Variants in FBXO44 observed in about 807,000 individuals in gnomAD.
FBXO44 encodes the protein F-box protein 44, also known as F-box only protein 44.
FBXO44 carries 25 observed loss-of-function variants against 33.5 expected under a neutral mutation model. The observed-to-expected ratio is 0.75, with a 90% CI of 0.54 to 1.04. FBXO44 has a LOEUF of 1.04. Among genes scored for constraint, FBXO44 ranks in the 50% least tolerant of loss-of-function variants. The pLI is 0.00. For synonymous variants in FBXO44, 147 were observed against 152.8 expected, an observed-to-expected ratio of 0.96 and a Z score of 0.28; for missense variants, 311 against 344.0, an observed-to-expected ratio of 0.90 and a Z score of 0.76.
At chr1:11,655,239 G>A (rs944707629) in intron 1 of FBXO44, 1 of 124,056 alleles carries the variant, frequency 8.1e-6, no homozygotes, top group African/African-American at 3.0e-5. Flanking sequence ...GGCTGGCGGA[G>A]CCCAGCCGCG....
intron 2 of FBXO44, 129 bp downstream of exon 2, chr1:11,656,229 A>G: frequency 7.9e-7 from 1 of 1,269,358 alleles, no homozygotes; most frequent in South Asian, 1.5e-5. Context: ...CAGTAACCCA[A>G]AGAGGTAGCT....
rs555691427 is a variant in FBXO44 at position 11,661,069 on chromosome 1, C to T, written c.625-61C>T. 58 of 1,516,482 alleles carry T rather than the reference C, an allele frequency of 3.8e-5. No individual in the cohort carries two copies. Among genetic ancestry groups the T allele is most frequent in the Middle Eastern group, 3.5e-4 (2 of 5,650 alleles). 93.9% of individuals were successfully genotyped at this position (1,516,482 alleles called of 1,614,324 possible). ...AAGTACTGGGATTCCCGGTGTGAGC[C>T]GCCACACCCAGCCTGAGTCAGCTCC... is the stretch of plus-strand genomic sequence containing the variant. On this transcript the variant is annotated intron_variant, in intron 5 of 5. Transcript: ENST00000251547. The surrounding 1 kb of genome is among the most constrained non-coding windows in gnomAD (Gnocchi z 4.4).
Position 11,658,681 on chromosome 1 carries a change from C to T in FBXO44, c.488+53C>T, listed in dbSNP as rs1003075233. On this transcript the variant is annotated intron_variant, in intron 4 of 5. Coordinates refer to ENST00000251547, the MANE Select transcript of FBXO44 (RefSeq NM_033182.7). ...TGGGGCATGCCAATCAGGCGCCCCACCCCCGCCCTGCCCCCAATCTCCGAG... is the reference window on the plus strand; with the variant it reads ...TGGGGCATGCCAATCAGGCGCCCCATCCCCGCCCTGCCCCCAATCTCCGAG... 3.7e-6 allele frequency: 6 copies of T among 1,606,764 alleles called. No individual in the cohort carries two copies. In the African/African-American group the frequency reaches 8.0e-5, roughly 22 times the overall value.
intron 2 of FBXO44, 96 bp from the exon 3 acceptor site, chr1:11,658,171 C>T: frequency 6.3e-7 from 1 of 1,587,122 alleles, no homozygotes. Flanking sequence ...AGGGCAGCCG[C>T]CAAGATGCAG....
Position 11,656,039 on chromosome 1 carries a change from G to A in FBXO44, c.204G>A (p.Trp68Ter). The change falls in exon 2 of 6, where the codon TGG (tryptophan) becomes TGA (stop). Residue 68 changes from tryptophan to a stop codon, truncating the protein, a stop_gained. Transcript: ENST00000251547. LOFTEE classifies it high-confidence loss of function. ...ACTGGGACCAGCCCGTGGCCGACTG[G>A]AAGATCTTCTACTTCTTACGGAGCC... ...TEDWDQPVAD[W>*]KIFYFLRSLH... 6.2e-7 allele frequency: 1 copy of A among 1,614,180 alleles called. No homozygotes were observed. Among genetic ancestry groups the A allele is most frequent in the South Asian group, 1.1e-5 (1 of 91,084 alleles).
rs370125947 is a variant in FBXO44, at chr1:11,656,025, C to G, written c.190C>G (p.Pro64Ala). 3.1e-6 allele frequency: 5 copies of G among 1,614,086 alleles called. No individual in the cohort carries two copies. In the Admixed American group the frequency reaches 8.3e-5, roughly 27 times the overall value. The change falls in exon 2 of 6, where the codon CCC becomes GCC. Residue 64 changes from proline (P) to alanine (A), a missense_variant. Pro to Ala is a conservative substitution (Grantham distance 27). Transcript: ENST00000251547. ...EGFITEDWDQ[P>A]VADWKIFYFL... ...CTTCATCACTGAGGACTGGGACCAG[C>G]CCGTGGCCGACTGGAAGATCTTCTA...
At chr1:11,658,712 G>T (rs369457346) in intron 4 of FBXO44, 24 bp from the exon 5 acceptor site, 21 of 1,613,310 alleles carry the variant, frequency 1.3e-5, no homozygotes, top group Non-Finnish European at 1.8e-5. Flanking sequence ...CCGAGGCCCT[G>T]ATGGGCCCTC....
In FBXO44 at chr1:11,658,380, G is replaced by A. The variant is rs1368802381; in HGVS notation, c.379G>A (p.Val127Ile). Residue 127 changes from valine to isoleucine, a missense_variant, in exon 3 of 6, where the codon GTT becomes ATT. Physicochemically the swap from Val to Ile is conservative, Grantham distance 29 (BLOSUM62 3). Coordinates refer to ENST00000251547, the MANE Select transcript of FBXO44 (RefSeq NM_033182.7). Reference protein sequence around the residue: ...FPNDQVKKYFVTSYYTCLKSQ... With the variant: ...FPNDQVKKYFITSYYTCLKSQ... ...CAATGACCAGGTCAAGAAATACTTC[G>A]TTACTTCATATTAGTAAGATCCGGG... 7.4e-6 allele frequency: 12 copies of A among 1,613,744 alleles called. No individual in the cohort carries two copies. The highest frequency in any genetic ancestry group is 4.0e-5 in the African/African-American group (3 of 74,896).
At chr1:11,657,617 T>C (rs1156789819) in intron 2 of FBXO44, among the ~76,000 whole-genome samples, 1 of 152,156 alleles carries the variant, frequency 6.6e-6, no homozygotes, top group Non-Finnish European at 1.5e-5. Flanking sequence ...GGCATGCACC[T>C]GTAATCCCAG....
chr1:11,658,280 C>G lies in FBXO44; in HGVS notation c.279C>G (p.Phe93Leu). The G allele has an allele frequency of 6.2e-7, 1 of 1,613,776 alleles. No individual in the cohort carries two copies. Among genetic ancestry groups the G allele is most frequent in the Non-Finnish European group, 8.5e-7 (1 of 1,179,934 alleles). The change falls in exon 3 of 6, where the codon TTC becomes TTG. Residue 93 changes from phenylalanine (F) to leucine (L), a missense_variant. Physicochemically the swap from Phe to Leu is conservative, Grantham distance 22. Coordinates refer to ENST00000251547, the MANE Select transcript of FBXO44 (RefSeq NM_033182.7). ...CTTTTCCATCAGAGGGGTTCGAGTT[C>G]TGGAGCCTGGATGTGAATGGAGGCG... ...HNPCAEEGFEFWSLDVNGGDE... is the reference protein window; with the variant it reads ...HNPCAEEGFELWSLDVNGGDE...
chr1:11,659,991 C>T (rs575130439), intron 5 of FBXO44, among the ~76,000 whole-genome samples: 9 of 152,334 alleles, frequency 5.9e-5, no homozygotes, highest in African/African-American at 2.2e-4. Flanking sequence ...TGCAGGCCAT[C>T]GTTTGCCAAC....
rs1384010040 is a variant in FBXO44, at chr1:11,662,624, G to C, written c.*1351G>C. On this transcript the variant is annotated 3_prime_UTR_variant, in exon 6 of 6. Transcript: ENST00000251547. ...CTCCTGGTGTTACTCTTTGCCAACAGCTTTACGGACATTGGATGAAGCCGA... is the reference window on the plus strand; with the variant it reads ...CTCCTGGTGTTACTCTTTGCCAACACCTTTACGGACATTGGATGAAGCCGA... 1 of 152,294 alleles carries C rather than the reference G, an allele frequency of 6.6e-6. No homozygotes were observed. Among genetic ancestry groups the C allele is most frequent in the African/African-American group, 2.4e-5 (1 of 41,460 alleles). The allele number at this position is 152,294 out of a possible 1,614,324, so 9.4% of individuals were successfully genotyped here.
At chr1:11,655,426 C>G (rs2100603700) in intron 1 of FBXO44, 1 of 202,822 alleles carries the variant, frequency 4.9e-6, no homozygotes, top group Non-Finnish European at 1.0e-5. Context: ...CCATCATGTT[C>G]TGAGGATGGG....
rs1159321295 is a variant in FBXO44 at position 11,661,202 on chromosome 1, CATT to C, written c.699_701del (p.Tyr234del). On this transcript the variant is annotated inframe_deletion, in exon 6 of 6. Transcript: ENST00000251547. This position sits in a 1 kb window ranked among gnomAD's most constrained non-coding sequence, Gnocchi z 4.4. ...GTTTCAGCACGGCGGCGTGGACACT[CATT>C]ACTGGGCCGGCTGGTACGGCCCGAG... is the stretch of plus-strand genomic sequence containing the variant. The C allele has an allele frequency of 6.2e-7, 1 of 1,614,180 alleles. No individual in the cohort carries two copies. The highest frequency in any genetic ancestry group is 1.1e-5 in the South Asian group (1 of 91,082).
intron 2 of FBXO44, among the ~76,000 whole-genome samples, chr1:11,657,277 C>T (rs1453424659): frequency 1.3e-5 from 2 of 152,188 alleles, no homozygotes; most frequent in Non-Finnish European, 2.9e-5. Flanking sequence ...AATATTTTCG[C>T]ACTTTGCCAA....
At chr1:11,660,716 T>C (rs1455831800) in intron 5 of FBXO44, among the ~76,000 whole-genome samples, 2 of 152,318 alleles carry the variant, frequency 1.3e-5, no homozygotes, top group East Asian at 3.9e-4. Context: ...CCCTTCCTTG[T>C]TCCCCTGCCC....
Position 11,658,370 on chromosome 1 carries a change from G to GA in FBXO44, c.372dup (p.Tyr125IlefsTer143). ...AGGAATTCCCCAATGACCAGGTCAA[G>GA]AAATACTTCGTTACTTCATATTAGT... is the stretch of plus-strand genomic sequence containing the variant. On this transcript the variant is annotated frameshift_variant, in exon 3 of 6. Transcript: ENST00000251547. LOFTEE classifies it high-confidence loss of function. The GA allele has an allele frequency of 1.9e-6, 3 of 1,613,856 alleles. No individual in the cohort carries two copies. Among genetic ancestry groups the GA allele is most frequent in the Non-Finnish European group, 2.5e-6 (3 of 1,179,922 alleles).
intron 5 of FBXO44, 133 bp from the exon 6 acceptor site, chr1:11,660,997 A>T: frequency 1.1e-6 from 1 of 870,032 alleles, no homozygotes; most frequent in Non-Finnish European, 1.8e-6. Flanking sequence ...CGACAAGACT[A>T]GTTGCAAACT....
chr1:11,658,522 C>A lies in FBXO44; in HGVS notation c.393-11C>A. ...GAGCCCAGCCCCTCCCACCCCTCTG[C>A]CTGCCCCCAGCACCTGCCTCAAGTC... On this transcript the variant is annotated splice_polypyrimidine_tract_variant and intron_variant, in intron 3 of 5. Transcript: ENST00000251547. 2 of 1,610,954 alleles carry A rather than the reference C, an allele frequency of 1.2e-6. No homozygotes were observed. The highest frequency in any genetic ancestry group is 1.7e-5 in the Admixed American group (1 of 59,870).
Sources: gnomAD v4.1 joint callset for allele counts (sites outside exome capture counted in the v4.1 genomes callset) on GRCh38, gnomAD v4.1.1 for gene constraint, Gnocchi (gnomAD v3.1) non-coding constraint, MANE v1.5 for transcripts, NCBI Gene and HGNC (gene_info 2026-07-23, HGNC 2026-07-21) for gene names.